The following RNFT2 variants were observed in gnomAD, a reference collection of about 807,000 sequenced individuals.
The protein encoded by RNFT2 is ring finger protein, transmembrane 2, also known as E3 ubiquitin-protein ligase RNFT2.
RNFT2 carries 36 observed loss-of-function variants against 53.0 expected under a neutral mutation model. The observed-to-expected ratio is 0.68, with a 90% CI of 0.52 to 0.90. RNFT2 has a LOEUF of 0.90. RNFT2 is among the 40% of genes least tolerant of loss of function. The pLI is 0.00. For missense variants in RNFT2, 514 were observed against 585.6 expected (o/e 0.88, Z 1.26); for synonymous variants, 260 against 253.2 (o/e 1.03, Z -0.26).
chr12:116,776,523 C>T (rs1202975643), intron 6 of RNFT2, among the ~76,000 whole-genome samples: 2 of 152,140 alleles, frequency 1.3e-5, no homozygotes, highest in Non-Finnish European at 2.9e-5. Context: ...TGAGGAATTC[C>T]ATGGAGACAG....
At chr12:116,777,056 T>C (rs1873464599) in intron 6 of RNFT2, among the ~76,000 whole-genome samples, 1 of 151,718 alleles carries the variant, frequency 6.6e-6, no homozygotes, top group African/African-American at 2.4e-5. Flanking sequence ...TCGCTAAGAC[T>C]ACAGGCATGC....
At chr12:116,832,976 G>C (rs1876759255) in intron 7 of RNFT2, among the ~76,000 whole-genome samples, 1 of 136,790 alleles carries the variant, frequency 7.3e-6, no homozygotes, top group Admixed American at 8.3e-5. Flanking sequence ...ACAGTGGTGT[G>C]ATATCTTGGC....
At chr12:116,815,631 A>G (rs1286684655) in intron 7 of RNFT2, among the ~76,000 whole-genome samples, 1 of 152,142 alleles carries the variant, frequency 6.6e-6, no homozygotes, top group East Asian at 1.9e-4. Flanking sequence ...GGGCCCGTCC[A>G]GGTCACCTGG....
intron 7 of RNFT2, among the ~76,000 whole-genome samples, chr12:116,782,681 C>T (rs896723528): frequency 2.0e-5 from 3 of 152,210 alleles, no homozygotes; most frequent in African/African-American, 7.2e-5. Context: ...GTACTTCACA[C>T]TCAGTAACCC....
At chr12:116,771,389 G>A (rs1345337650) in intron 6 of RNFT2, among the ~76,000 whole-genome samples, 3 of 148,388 alleles carry the variant, frequency 2.0e-5, no homozygotes, top group Non-Finnish European at 3.0e-5. Flanking sequence ...AAGCCTGGGA[G>A]GTCAAGGCTG....
chr12:116,837,642 C>A (rs1276765862), intron 10 of RNFT2, among the ~76,000 whole-genome samples: 1 of 152,040 alleles, frequency 6.6e-6, no homozygotes, highest in Non-Finnish European at 1.5e-5. Flanking sequence ...AAAAAGAAGA[C>A]TAAAGAGACA....
intron 5 of RNFT2, chr12:116,755,660 A>G (rs1244344137): frequency 1.4e-6 from 2 of 1,422,684 alleles, no homozygotes; most frequent in Admixed American, 1.7e-5. Context: ...AACAATGCCA[A>G]CAGCATGCTG....
At chr12:116,819,005 G>A (rs1875844936) in intron 7 of RNFT2, among the ~76,000 whole-genome samples, 1 of 152,188 alleles carries the variant, frequency 6.6e-6, no homozygotes, top group Non-Finnish European at 1.5e-5. Flanking sequence ...GGGTTCCTGC[G>A]CCACCCTTCC....
intron 6 of RNFT2, among the ~76,000 whole-genome samples, chr12:116,773,806 G>T (rs1469714131): frequency 6.6e-6 from 1 of 152,158 alleles, no homozygotes; most frequent in Non-Finnish European, 1.5e-5. Flanking sequence ...AAGTCCAGGG[G>T]TTTACCATGT....
In RNFT2 at chr12:116,848,011, G is replaced by A. The variant is rs549445160; in HGVS notation, c.1201-1303G>A. ...TGATGTTCTCCCTCCCCCAGCCCCC[G>A]CAACAGGCCCCAGTATGTTGTTCCC... is the stretch of plus-strand genomic sequence containing the variant. On this transcript the variant is annotated intron_variant, in intron 10 of 10. Transcript: ENST00000257575. 3.3e-5 allele frequency among the ~76,000 whole-genome samples: 5 copies of A among 151,406 alleles called. No homozygotes were observed. The South Asian group carries it at 6.3e-4, about 19-fold the overall frequency.
chr12:116,805,192 C>T lies in RNFT2; in HGVS notation c.882+25844C>T, dbSNP rs147565112. The stretch of plus-strand genomic sequence containing the variant: ...AACCTGGCTCCATCACTTCCTCTAT[C>T]GCCCACTGCTTGGTGGGTTTACTTC... On this transcript the variant is annotated intron_variant, in intron 7 of 10. Coordinates refer to ENST00000257575, the MANE Select transcript of RNFT2 (RefSeq NM_001382266.1). Among the ~76,000 whole-genome samples, 367 of 148,822 alleles carry T rather than the reference C, an allele frequency of 2.5e-3. 2 individuals are homozygous for T. The highest frequency in any genetic ancestry group is 8.5e-3 in the African/African-American group (343 of 40,330).
At chr12:116,791,117 C>G (rs1156855158) in intron 7 of RNFT2, among the ~76,000 whole-genome samples, 1 of 152,252 alleles carries the variant, frequency 6.6e-6, no homozygotes, top group African/African-American at 2.4e-5. Flanking sequence ...CCCCACTAAG[C>G]AGTCACATTC....
chr12:116,826,962 C>T (rs1043856862), intron 7 of RNFT2, among the ~76,000 whole-genome samples: 14 of 151,792 alleles, frequency 9.2e-5, no homozygotes, highest in Non-Finnish European at 1.9e-4. Context: ...GTGAATCATA[C>T]CTGTAAACAG....
Position 116,852,839 on chromosome 12 carries a change from G to A in RNFT2, c.*3391G>A. 2 of 843,056 alleles carry A rather than the reference G, an allele frequency of 2.4e-6. No homozygotes were observed. 52.2% of individuals were successfully genotyped at this position (843,056 alleles called of 1,614,324 possible). On this transcript the variant is annotated 3_prime_UTR_variant, in exon 11 of 11. Transcript: ENST00000257575. The stretch of plus-strand genomic sequence containing the variant: ...GACGGAACCCAGTGTATTACCTGCT[G>A]GAACCAAGGAAACTAACAATGTAGG...
intron 4 of RNFT2, among the ~76,000 whole-genome samples, chr12:116,750,851 AATATATATT>A (rs1872187437): frequency 9.5e-6 from 1 of 105,598 alleles, no homozygotes; most frequent in South Asian, 2.9e-4. Flanking sequence ...ATATATATAT[AATATATATT>A]ATATATATAT....
intron 5 of RNFT2, 50 bp from the exon 6 acceptor site, chr12:116,766,764 G>T (rs1247971792): frequency 1.4e-6 from 2 of 1,397,326 alleles, no homozygotes. Context: ...ATTCTGGAAG[G>T]TTCTGCCACA....
chr12:116,740,296 A>T (rs1566065801), intron 1 of RNFT2, 49 bp from the exon 2 acceptor site: 2 of 572,516 alleles, frequency 3.5e-6, no homozygotes, highest in East Asian at 5.8e-5. Flanking sequence ...TTCTTAGCAG[A>T]TTCAAGGTAT....
At position 116,745,197 on chromosome 12, in the gene RNFT2, TAG is replaced by T. The variant is rs1871837385; in HGVS notation, c.83+4106_83+4107del. Among the ~76,000 whole-genome samples the T allele has an allele frequency of 6.6e-5, 8 of 120,584 alleles. No homozygotes were observed. The South Asian group carries it at 2.2e-3, about 33-fold the overall frequency. 79.1% of individuals were successfully genotyped at this position (120,584 alleles called of 152,430 possible). A position where few individuals can be genotyped will look rare whatever the true frequency, so the allele number is the denominator to read the frequency against. On this transcript the variant is annotated intron_variant, in intron 3 of 10. Transcript: ENST00000257575. ...GATTTTTTTTTTTTTTTTTTTGAGA[TAG>T]AGTCTCACTGTGTTGCCCAGGCTGG...
chr12:116,822,770 G>A (rs1876114439), intron 7 of RNFT2, among the ~76,000 whole-genome samples: 1 of 152,106 alleles, frequency 6.6e-6, no homozygotes, highest in South Asian at 2.1e-4. Context: ...GGGAGGCTGA[G>A]GCGGGCAGAT....
Sources: gnomAD v4.1 joint callset for allele counts (sites outside exome capture counted in the v4.1 genomes callset) on GRCh38, gnomAD v4.1.1 for gene constraint, MANE v1.5 for transcripts, NCBI Gene and HGNC (gene_info 2026-07-23, HGNC 2026-07-21) for gene names.